Variants in FMN1 observed in about 807,000 individuals in gnomAD.
The protein encoded by FMN1 is formin-1.
Under a neutral mutation model 132.4 loss-of-function variants are expected in FMN1, and 110 were observed. That is an observed-to-expected ratio of 0.83 (90% CI 0.71 to 0.97). The LOEUF is 0.97. FMN1 is among the 50% of genes least tolerant of loss of function. FMN1 has a pLI of 0.00. For synonymous variants in FMN1, 722 were observed against 651.7 expected (o/e 1.11, Z -1.64); for missense variants, 1,792 against 1,705.3 (o/e 1.05, Z -0.90).
chr15:33,004,288 TA>T (rs2034287162), intron 7 of FMN1, among the ~76,000 whole-genome samples: 1 of 152,148 alleles, frequency 6.6e-6, no homozygotes, highest in Admixed American at 6.5e-5. Flanking sequence ...TTTTGCAACC[TA>T]CTCATCTGAC....
At chr15:32,981,390 C>A (rs1339054156) in intron 7 of FMN1, among the ~76,000 whole-genome samples, 1 of 151,442 alleles carries the variant, frequency 6.6e-6, no homozygotes, top group African/African-American at 2.4e-5. Context: ...CGGTGGCAGG[C>A]ACTTGTAGTC....
At chr15:33,104,498 C>CA (rs1555400528) in intron 4 of FMN1, among the ~76,000 whole-genome samples, 2 of 151,122 alleles carry the variant, frequency 1.3e-5, no homozygotes, top group East Asian at 2.0e-4. Context: ...GCCACAACCA[C>CA]CCTGGTATGT....
At chr15:32,943,546 A>G (rs935218143) in intron 9 of FMN1, among the ~76,000 whole-genome samples, 12 of 152,224 alleles carry the variant, frequency 7.9e-5, no homozygotes, top group Admixed American at 7.2e-4. Flanking sequence ...AGGTACCTTC[A>G]TAATGACTGT....
In FMN1 at chr15:32,810,318, T is replaced by C. The variant is rs549777308; in HGVS notation, c.3929-5986A>G. Among the ~76,000 whole-genome samples the C allele has an allele frequency of 1.1e-4, 17 of 152,340 alleles. 1 individual carries two copies. The South Asian group carries it at 3.5e-3, about 32-fold the overall frequency. ...AGTGCCTGTTTTTTGGCACAGAAAT[T>C]TCTAATCTTCCATCTTTTGTTTGCA... is the stretch of plus-strand genomic sequence containing the variant. On this transcript the variant is annotated intron_variant, in intron 17 of 20. Transcript: ENST00000616417.
At chr15:33,070,145 A>G (rs2037938104) in intron 5 of FMN1, among the ~76,000 whole-genome samples, 1 of 151,546 alleles carries the variant, frequency 6.6e-6, no homozygotes, top group Non-Finnish European at 1.5e-5. Context: ...AGCTGGAATT[A>G]CAGGAATGCG....
At chr15:33,158,528 T>C (rs995814463) in intron 3 of FMN1, among the ~76,000 whole-genome samples, 10 of 151,952 alleles carry the variant, frequency 6.6e-5, no homozygotes, top group African/African-American at 2.2e-4. Flanking sequence ...GTGGTGCACA[T>C]GTCCGGAACC....
intron 19 of FMN1, among the ~76,000 whole-genome samples, chr15:32,784,075 G>A (rs2056767229): frequency 6.6e-6 from 1 of 152,044 alleles, no homozygotes; most frequent in Admixed American, 6.6e-5. Context: ...TTGACCACAG[G>A]GATTGAGCAC....
intron 7 of FMN1, among the ~76,000 whole-genome samples, chr15:32,988,049 GTTT>G (rs10573409): frequency 0.065 from 7,753 of 118,542 alleles, 138 homozygotes; most frequent in Middle Eastern, 0.11. Flanking sequence ...TGTCTCTCCA[GTTT>G]TTTTTTTTTT....
intron 7 of FMN1, among the ~76,000 whole-genome samples, chr15:32,991,502 G>A (rs1364349942): frequency 1.3e-5 from 2 of 152,116 alleles, no homozygotes; most frequent in African/African-American, 4.8e-5. Flanking sequence ...ACAATCTAGG[G>A]AGCATCAGGG....
At chr15:32,989,291 A>G (rs946133007) in intron 7 of FMN1, among the ~76,000 whole-genome samples, 3 of 152,188 alleles carry the variant, frequency 2.0e-5, no homozygotes, top group Non-Finnish European at 2.9e-5. Context: ...CTCTGCTTTC[A>G]TAATTATAAT....
intron 15 of FMN1, among the ~76,000 whole-genome samples, chr15:32,897,823 G>A (rs796793882): frequency 8.6e-5 from 13 of 152,008 alleles, no homozygotes; most frequent in African/African-American, 2.7e-4. Context: ...AGCTGGGGTC[G>A]GCAGGAAAAC....
At chr15:33,086,076 C>T (rs563551094) in intron 5 of FMN1, among the ~76,000 whole-genome samples, 10 of 151,928 alleles carry the variant, frequency 6.6e-5, no homozygotes, top group African/African-American at 2.4e-4. Context: ...ACAGTGAAAC[C>T]CCGTTTCTAC....
At chr15:32,882,809 A>G (rs2059802452) in intron 16 of FMN1, among the ~76,000 whole-genome samples, 1 of 137,628 alleles carries the variant, frequency 7.3e-6, no homozygotes, top group East Asian at 2.2e-4. Flanking sequence ...CCTAAGAGTA[A>G]GGAAGAACCA....
At chr15:33,192,868 C>T (rs749475057) in intron 2 of FMN1, among the ~76,000 whole-genome samples, 6 of 152,180 alleles carry the variant, frequency 3.9e-5, no homozygotes, top group Admixed American at 6.5e-5. Flanking sequence ...GTTTAATCCT[C>T]ACACCTTCTC....
chr15:33,028,536 AATAAAT>A (rs886866830), intron 6 of FMN1, among the ~76,000 whole-genome samples: 11 of 143,210 alleles, frequency 7.7e-5, no homozygotes, highest in African/African-American at 2.1e-4. Flanking sequence ...TAAAAATAAA[AATAAAT>A]AAATAAATAA....
chr15:33,052,602 T>C (rs2037028621), intron 6 of FMN1, among the ~76,000 whole-genome samples: 1 of 152,160 alleles, frequency 6.6e-6, no homozygotes, highest in African/African-American at 2.4e-5. Context: ...ACTCCAGGTT[T>C]ACAGGCTCAG....
intron 6 of FMN1, among the ~76,000 whole-genome samples, chr15:33,011,634 T>C (rs974345948): frequency 1.3e-5 from 2 of 152,082 alleles, no homozygotes; most frequent in African/African-American, 2.4e-5. Context: ...GAGAAACAGA[T>C]TGACAATAGA....
intron 4 of FMN1, among the ~76,000 whole-genome samples, chr15:33,133,007 C>T (rs1055468900): frequency 1.3e-5 from 2 of 152,160 alleles, no homozygotes; most frequent in Non-Finnish European, 2.9e-5. Flanking sequence ...TAACTGCCCT[C>T]GCTTTGTAAA....
intron 6 of FMN1, among the ~76,000 whole-genome samples, chr15:33,038,465 A>G (rs1359990469): frequency 6.6e-6 from 1 of 152,116 alleles, no homozygotes. Context: ...ATGCTTGAAT[A>G]TTTTCTATTA....
Sources: gnomAD v4.1 joint callset for allele counts (sites outside exome capture counted in the v4.1 genomes callset) on GRCh38, gnomAD v4.1.1 for gene constraint, MANE v1.5 for transcripts, NCBI Gene and HGNC (gene_info 2026-07-23, HGNC 2026-07-21) for gene names.